The following ZHX3 variants were observed in gnomAD, a reference collection of about 807,000 sequenced individuals.
ZHX3 encodes the protein zinc fingers and homeoboxes 3.
In ZHX3, 20 loss-of-function variants were observed where a neutral mutation model predicts 64.5. The observed-to-expected ratio is 0.31, with a 90% CI of 0.22 to 0.45. The LOEUF is 0.45. Ranked by LOEUF, ZHX3 falls within the 20% of genes least tolerant of loss-of-function variation. The pLI is 1.00. For synonymous variants in ZHX3, 423 were observed against 461.6 expected, an observed-to-expected ratio of 0.92 and a Z score of 1.07; for missense variants, 1,041 against 1,195.8, an observed-to-expected ratio of 0.87 and a Z score of 1.91.
intron 1 of ZHX3, among the ~76,000 whole-genome samples, chr20:41,293,804 G>C (rs1163909378): frequency 6.6e-6 from 1 of 152,242 alleles, no homozygotes; most frequent in Non-Finnish European, 1.5e-5. Context: ...CTGAAAGATT[G>C]TCTCAAGACA....
At chr20:41,262,118 C>G (rs1243661651) in intron 2 of ZHX3, among the ~76,000 whole-genome samples, 1 of 152,188 alleles carries the variant, frequency 6.6e-6, no homozygotes, top group Non-Finnish European at 1.5e-5. Context: ...CATATCTCCT[C>G]TTCTCCATCA....
In ZHX3 at chr20:41,184,289, C is replaced by A. The variant is rs2036352535; in HGVS notation, c.*902G>T. ...TATAGATTTCCACTTACGTCCCTAC[C>A]CCATGTCTTTTTTCCATCTTTCTCT... On this transcript the variant is annotated 3_prime_UTR_variant, in exon 4 of 4. Coordinates refer to ENST00000683867, the MANE Select transcript of ZHX3 (RefSeq NM_001384317.1). The A allele has an allele frequency of 6.6e-6, 1 of 151,830 alleles. No homozygotes were observed. The highest frequency in any genetic ancestry group is 1.5e-5 in the Non-Finnish European group (1 of 67,876). The allele number at this position is 151,830 out of a possible 1,614,324, so 9.4% of individuals were successfully genotyped here.
intron 1 of ZHX3, among the ~76,000 whole-genome samples, chr20:41,276,261 CTTTTTT>C (rs10711191): frequency 6.6e-6 from 1 of 151,674 alleles, no homozygotes; most frequent in Non-Finnish European, 1.5e-5. Flanking sequence ...TTTTCTTTTT[CTTTTTT>C]TTAAATGTAG....
chr20:41,237,785 AAT>A (rs2041112411), intron 2 of ZHX3, among the ~76,000 whole-genome samples: 1 of 152,226 alleles, frequency 6.6e-6, no homozygotes, highest in Non-Finnish European at 1.5e-5. Context: ...AAATAAAGAA[AAT>A]ATGTTTTATT....
intron 1 of ZHX3, among the ~76,000 whole-genome samples, chr20:41,313,331 T>G (rs1342915802): frequency 6.6e-6 from 1 of 151,644 alleles, no homozygotes; most frequent in Non-Finnish European, 1.5e-5. Flanking sequence ...AGAGAAAGGG[T>G]GGGGAGACGT....
At chr20:41,255,708 C>T (rs985736366) in intron 2 of ZHX3, among the ~76,000 whole-genome samples, 3 of 152,178 alleles carry the variant, frequency 2.0e-5, no homozygotes, top group Admixed American at 6.5e-5. Context: ...GTGGTAGAAT[C>T]GAGTGAGTTA....
chr20:41,267,721 A>G (rs147701380), intron 2 of ZHX3: 12 of 152,372 alleles, frequency 7.9e-5, no homozygotes, highest in African/African-American at 2.9e-4. Flanking sequence ...TTGGAGCAGA[A>G]ACCTGAAGAA....
intron 1 of ZHX3, among the ~76,000 whole-genome samples, chr20:41,300,576 T>C (rs2044763442): frequency 6.6e-6 from 1 of 152,126 alleles, no homozygotes; most frequent in African/African-American, 2.4e-5. Context: ...CTAAGTGCTA[T>C]CACAGAGGTA....
At chr20:41,270,057 C>T (rs1490335396) in intron 1 of ZHX3, among the ~76,000 whole-genome samples, 2 of 152,120 alleles carry the variant, frequency 1.3e-5, no homozygotes, top group Non-Finnish European at 2.9e-5. Context: ...ATTCTAATCA[C>T]CCAGATAAGG....
intron 1 of ZHX3, among the ~76,000 whole-genome samples, chr20:41,300,845 C>A (rs2044773816): frequency 6.6e-6 from 1 of 152,014 alleles, no homozygotes; most frequent in African/African-American, 2.4e-5. Flanking sequence ...AAAGGGGCCA[C>A]AGAATGATGG....
intron 2 of ZHX3, among the ~76,000 whole-genome samples, chr20:41,215,770 T>TAAAAA (rs55922605): frequency 9.9e-6 from 1 of 101,126 alleles, no homozygotes; most frequent in Non-Finnish European, 1.9e-5. Context: ...ACGTCTCTAC[T>TAAAAA]AAAAAAAAAA....
rs576159090 is a variant in ZHX3 at position 41,213,319 on chromosome 20, G to A, written c.-150-8253C>T. Among the ~76,000 whole-genome samples the A allele has an allele frequency of 5.3e-5, 8 of 152,136 alleles. No individual in the cohort carries two copies. The South Asian group carries it at 6.2e-4, about 12-fold the overall frequency. ...TGATAAAAACCTCAGGAAGGACATC[G>A]AAACCAAGAAAGGTAGAGGACAGTA... On this transcript the variant is annotated intron_variant, in intron 2 of 3. Transcript: ENST00000683867.
chr20:41,235,726 T>C lies in ZHX3; in HGVS notation c.-150-30660A>G, dbSNP rs2146413995. Among the ~76,000 whole-genome samples, 2 of 152,286 alleles carry C rather than the reference T, an allele frequency of 1.3e-5. 1 individual carries two copies. The highest frequency in any genetic ancestry group is 4.1e-4 in the South Asian group (2 of 4,822). ...AAACTGGCACAAGACAGGAATGCCC[T>C]CTCTCACCACTCCTATTCAACATAG... On this transcript the variant is annotated intron_variant, in intron 2 of 3. Transcript: ENST00000683867.
intron 3 of ZHX3, among the ~76,000 whole-genome samples, chr20:41,197,920 CAAAGAG>C (rs1263092970): frequency 1.3e-5 from 2 of 148,764 alleles, no homozygotes; most frequent in South Asian, 2.1e-4. Context: ...TTATAAAGCA[CAAAGAG>C]AAAAAGTTAT....
chr20:41,270,606 G>A (rs139400061), intron 1 of ZHX3, among the ~76,000 whole-genome samples: 260 of 151,910 alleles, frequency 1.7e-3, no homozygotes, highest in Middle Eastern at 0.01. Flanking sequence ...AACCCGGGAG[G>A]TGGAGCTTAC....
chr20:41,302,301 C>T (rs985038748), intron 1 of ZHX3, among the ~76,000 whole-genome samples: 12 of 152,106 alleles, frequency 7.9e-5, no homozygotes, highest in African/African-American at 2.9e-4. Context: ...ATTTTCTTAT[C>T]CTAAAAAAGA....
intron 2 of ZHX3, among the ~76,000 whole-genome samples, chr20:41,248,726 C>A (rs1426929802): frequency 6.6e-6 from 1 of 152,184 alleles, no homozygotes; most frequent in Non-Finnish European, 1.5e-5. Context: ...TGAATGTGGG[C>A]AATCGCTTTT....
At chr20:41,251,640 C>T (rs908699387) in intron 2 of ZHX3, among the ~76,000 whole-genome samples, 5 of 152,102 alleles carry the variant, frequency 3.3e-5, no homozygotes, top group Admixed American at 6.5e-5. Flanking sequence ...AATAAAAATA[C>T]AACCCAACTA....
chr20:41,294,231 A>C (rs1315181230), intron 1 of ZHX3, among the ~76,000 whole-genome samples: 1 of 152,248 alleles, frequency 6.6e-6, no homozygotes, highest in Non-Finnish European at 1.5e-5. Context: ...ATTATGCTAC[A>C]TTCAATTTAG....
Sources: allele counts gnomAD v4.1 joint callset (sites outside exome capture counted in the v4.1 genomes callset), GRCh38; gene constraint gnomAD v4.1.1; transcripts MANE v1.5; gene names NCBI Gene and HGNC (gene_info 2026-07-23, HGNC 2026-07-21).